RIT2: variants seen among roughly 807,000 people sequenced by gnomAD.
RIT2 encodes GTP-binding protein Rit2.
In RIT2, 24 loss-of-function variants were observed where a neutral mutation model predicts 23.7. That is an observed-to-expected ratio of 1.01 (90% CI 0.73 to 1.43). The LOEUF (loss-of-function observed/expected upper bound fraction) is 1.43. Among genes scored for constraint, RIT2 ranks in the 40% most tolerant of loss-of-function variants. RIT2 has a pLI of 0.00. For synonymous variants in RIT2, 107 were observed against 91.1 expected, an observed-to-expected ratio of 1.17 and a Z score of -0.99; for missense variants, 236 against 266.9, an observed-to-expected ratio of 0.88 and a Z score of 0.81.
chr18:42,778,224 A>G (rs1299138720), intron 4 of RIT2, among the ~76,000 whole-genome samples: 1 of 152,312 alleles, frequency 6.6e-6, no homozygotes, highest in South Asian at 2.1e-4. Context: ...AACAGGAATT[A>G]CATGCTCATT....
intron 1 of RIT2, among the ~76,000 whole-genome samples, chr18:43,103,874 G>C (rs1404415209): frequency 1.3e-5 from 2 of 152,154 alleles, no homozygotes; most frequent in African/African-American, 4.8e-5. Context: ...GTGGTATGAA[G>C]AGCAGGTAAG....
intron 4 of RIT2, among the ~76,000 whole-genome samples, chr18:42,816,492 T>A (rs1448931462): frequency 6.6e-6 from 1 of 152,194 alleles, no homozygotes; most frequent in Non-Finnish European, 1.5e-5. Context: ...TCAAGAGATG[T>A]ATTATCTAGT....
intron 2 of RIT2, among the ~76,000 whole-genome samples, chr18:42,994,903 G>T (rs181709740): frequency 5.6e-4 from 85 of 152,074 alleles, no homozygotes; most frequent in African/African-American, 2.0e-3. Flanking sequence ...TCTTTGTTGA[G>T]TCTCCCACAA....
intron 2 of RIT2, among the ~76,000 whole-genome samples, chr18:42,994,597 C>G (rs1027566601): frequency 6.6e-6 from 1 of 152,062 alleles, no homozygotes; most frequent in African/African-American, 2.4e-5. Context: ...CTGACTCATC[C>G]CAACCCTTTT....
At chr18:43,092,674 C>A (rs188116774) in intron 1 of RIT2, among the ~76,000 whole-genome samples, 2 of 151,950 alleles carry the variant, frequency 1.3e-5, no homozygotes, top group African/African-American at 4.8e-5. Flanking sequence ...TAACTGTTAT[C>A]GAGACAGAAG....
intron 2 of RIT2, among the ~76,000 whole-genome samples, chr18:42,997,575 T>C (rs932992759): frequency 2.0e-5 from 3 of 151,934 alleles, no homozygotes; most frequent in Non-Finnish European, 2.9e-5. Context: ...GAGACACAGC[T>C]AATGATGCTA....
chr18:42,844,642 AT>A (rs1418911229), intron 4 of RIT2, among the ~76,000 whole-genome samples: 2 of 151,752 alleles, frequency 1.3e-5, no homozygotes, highest in Non-Finnish European at 2.9e-5. Context: ...TGGGGTCTTT[AT>A]AGGCACAGGA....
chr18:42,847,139 A>G (rs1171104810), intron 4 of RIT2, among the ~76,000 whole-genome samples: 2 of 152,314 alleles, frequency 1.3e-5, no homozygotes, highest in East Asian at 3.9e-4. Context: ...GAAAATGGTC[A>G]GTACTTGTTA....
chr18:42,965,085 G>T (rs1910183954), intron 3 of RIT2, among the ~76,000 whole-genome samples: 1 of 152,104 alleles, frequency 6.6e-6, no homozygotes, highest in Admixed American at 6.5e-5. Flanking sequence ...CATGAAGGCA[G>T]GAAAAACTAT....
intron 4 of RIT2, among the ~76,000 whole-genome samples, chr18:42,857,263 T>A (rs1356950012): frequency 3.3e-5 from 5 of 152,220 alleles, no homozygotes; most frequent in African/African-American, 1.2e-4. Flanking sequence ...TCTGTAGCTT[T>A]ATAGTTGAGA....
At chr18:43,051,349 A>G (rs1158457405) in intron 1 of RIT2, among the ~76,000 whole-genome samples, 1 of 152,150 alleles carries the variant, frequency 6.6e-6, no homozygotes, top group Non-Finnish European at 1.5e-5. Context: ...AATAGATACT[A>G]CAGAAGAGAA....
At chr18:42,805,412 G>C (rs1443881404) in intron 4 of RIT2, among the ~76,000 whole-genome samples, 3 of 152,258 alleles carry the variant, frequency 2.0e-5, no homozygotes, top group Admixed American at 2.0e-4. Context: ...TTGAAAAAGA[G>C]AGTATTTCAA....
At chr18:42,815,029 C>T (rs1905956171) in intron 4 of RIT2, among the ~76,000 whole-genome samples, 1 of 152,128 alleles carries the variant, frequency 6.6e-6, no homozygotes, top group South Asian at 2.1e-4. Context: ...CAACAGCCTT[C>T]AGCCCTAGAC....
At chr18:42,770,303 A>C (rs544793876) in intron 4 of RIT2, among the ~76,000 whole-genome samples, 1 of 152,306 alleles carries the variant, frequency 6.6e-6, no homozygotes, top group African/African-American at 2.4e-5. Context: ...AGTCACAACG[A>C]CCTAGAGGCA....
intron 1 of RIT2, among the ~76,000 whole-genome samples, chr18:43,079,907 C>T (rs974775275): frequency 6.6e-6 from 1 of 152,192 alleles, no homozygotes; most frequent in Non-Finnish European, 1.5e-5. Context: ...GTAAAAGTGT[C>T]TCTGTCACCT....
chr18:43,035,836 T>C (rs1236037095), intron 1 of RIT2, among the ~76,000 whole-genome samples: 2 of 152,240 alleles, frequency 1.3e-5, no homozygotes, highest in Non-Finnish European at 2.9e-5. Context: ...AGACCAGTTC[T>C]ATATGTAGTT....
intron 4 of RIT2, among the ~76,000 whole-genome samples, chr18:42,888,500 C>A (rs140776371): frequency 6.6e-6 from 1 of 151,686 alleles, no homozygotes; most frequent in Non-Finnish European, 1.5e-5. Flanking sequence ...CCCTTTTCGC[C>A]GCAGCCTCTC....
intron 1 of RIT2, among the ~76,000 whole-genome samples, chr18:43,071,164 T>A (rs1248539158): frequency 6.6e-5 from 10 of 152,202 alleles, no homozygotes; most frequent in Non-Finnish European, 2.9e-5. Context: ...TTGCGAGGTT[T>A]GCTTTAGTGG....
chr18:43,038,672 T>C (rs971399900), intron 1 of RIT2, among the ~76,000 whole-genome samples: 14 of 152,188 alleles, frequency 9.2e-5, no homozygotes, highest in Admixed American at 9.2e-4. Flanking sequence ...CACACGATTA[T>C]TTGAGGATGT....
Sources: allele counts gnomAD v4.1 joint callset (sites outside exome capture counted in the v4.1 genomes callset), GRCh38; gene constraint gnomAD v4.1.1; transcripts MANE v1.5; gene names NCBI Gene and HGNC (gene_info 2026-07-23, HGNC 2026-07-21).